The following INPP4B variants were observed in gnomAD, a reference collection of about 807,000 sequenced individuals.
INPP4B encodes inositol polyphosphate 4-phosphatase type II.
A neutral mutation model predicts 122.5 loss-of-function variants in INPP4B; 55 were observed. That is an observed-to-expected ratio of 0.45 (90% CI 0.36 to 0.56). INPP4B has a LOEUF of 0.56. Among genes scored for constraint, INPP4B ranks in the 20% least tolerant of loss-of-function variants. INPP4B has a pLI of 0.00. For missense variants in INPP4B, 1,000 were observed against 1,097.7 expected, an observed-to-expected ratio of 0.91 and a Z score of 1.26; for synonymous variants, 403 against 388.7, an observed-to-expected ratio of 1.04 and a Z score of -0.43.
intron 5 of INPP4B, among the ~76,000 whole-genome samples, chr4:142,415,634 C>G (rs1156363352): frequency 6.6e-6 from 1 of 151,880 alleles, no homozygotes; most frequent in African/African-American, 2.4e-5. Flanking sequence ...ACCATTTGAC[C>G]CAGCAATCCC....
chr4:142,270,144 C>T (rs756820746), intron 10 of INPP4B, among the ~76,000 whole-genome samples: 17 of 152,190 alleles, frequency 1.1e-4, no homozygotes, highest in Admixed American at 3.9e-4. Flanking sequence ...CATTGTCCCT[C>T]CTCCAGAGCT....
chr4:142,511,305 A>G (rs1028457900), intron 2 of INPP4B, among the ~76,000 whole-genome samples: 7 of 152,148 alleles, frequency 4.6e-5, no homozygotes, highest in African/African-American at 1.4e-4. Context: ...GCTAAGAAGA[A>G]CTAAAAAAAA....
chr4:142,369,557 A>G (rs976051037), intron 7 of INPP4B, among the ~76,000 whole-genome samples: 12 of 151,574 alleles, frequency 7.9e-5, no homozygotes, highest in Admixed American at 7.2e-4. Context: ...AGCCTGGGTG[A>G]CAGAATGAGA....
At chr4:142,268,887 C>T (rs1448795648) in intron 10 of INPP4B, among the ~76,000 whole-genome samples, 1 of 151,992 alleles carries the variant, frequency 6.6e-6, no homozygotes, top group Non-Finnish European at 1.5e-5. Flanking sequence ...GTTTTTTTCC[C>T]CCGACGAACA....
intron 2 of INPP4B, among the ~76,000 whole-genome samples, chr4:142,524,450 G>A (rs930208165): frequency 7.2e-5 from 11 of 152,040 alleles, no homozygotes; most frequent in Non-Finnish European, 1.3e-4. Flanking sequence ...CTGCATAAAT[G>A]TCTTCTTTTG....
intron 3 of INPP4B, among the ~76,000 whole-genome samples, chr4:142,455,758 T>C (rs1267340306): frequency 2.0e-5 from 3 of 152,068 alleles, no homozygotes; most frequent in East Asian, 3.9e-4. Context: ...TGTACTAATT[T>C]ACGTTTCCTC....
intron 7 of INPP4B, among the ~76,000 whole-genome samples, chr4:142,384,434 C>G (rs1263875123): frequency 6.6e-6 from 1 of 152,162 alleles, no homozygotes; most frequent in Non-Finnish European, 1.5e-5. Context: ...CCTATTGCCC[C>G]TTGGCTGCAA....
Position 142,362,842 on chromosome 4 carries a change from G to T in INPP4B, c.372+40096C>A, listed in dbSNP as rs549442850. Reference sequence around the variant, plus strand: ...GGACATTGAGTTTTCCAAACGGAAGGAAGGAGGGAGAAGGGCAAGGGCTGA... The same window carrying T: ...GGACATTGAGTTTTCCAAACGGAAGTAAGGAGGGAGAAGGGCAAGGGCTGA... On this transcript the variant is annotated intron_variant, in intron 7 of 25. Transcript: ENST00000262992. 3.9e-5 allele frequency among the ~76,000 whole-genome samples: 6 copies of T among 152,126 alleles called. No individual in the cohort carries two copies. The South Asian group carries it at 1.2e-3, about 32-fold the overall frequency.
At chr4:142,387,473 T>C (rs1287498889) in intron 7 of INPP4B, among the ~76,000 whole-genome samples, 2 of 144,464 alleles carry the variant, frequency 1.4e-5, no homozygotes, top group Admixed American at 1.4e-4. Flanking sequence ...TGCACTGAAG[T>C]GCATTTAAAA....
intron 2 of INPP4B, among the ~76,000 whole-genome samples, chr4:142,668,862 C>T (rs1756550644): frequency 1.3e-5 from 2 of 151,432 alleles, no homozygotes; most frequent in Non-Finnish European, 2.9e-5. Flanking sequence ...TCCTGGCTAA[C>T]ATGGTGAAAC....
chr4:142,720,579 T>C (rs529879454), intron 2 of INPP4B, among the ~76,000 whole-genome samples: 1 of 151,662 alleles, frequency 6.6e-6, no homozygotes, highest in Non-Finnish European at 1.5e-5. Flanking sequence ...GTAAACGCTA[T>C]ATAAATAGTT....
At chr4:142,113,822 T>C (rs1791507482) in intron 21 of INPP4B, among the ~76,000 whole-genome samples, 4 of 152,112 alleles carry the variant, frequency 2.6e-5, no homozygotes, top group Admixed American at 2.6e-4. Flanking sequence ...TATTAAGAAA[T>C]TGATATGAAT....
intron 8 of INPP4B, among the ~76,000 whole-genome samples, chr4:142,308,637 A>G (rs1262654275): frequency 6.6e-6 from 1 of 152,104 alleles, no homozygotes; most frequent in South Asian, 2.1e-4. Context: ...TCTATAGCAC[A>G]TGATGCTAAT....
rs10028981 is a variant in INPP4B at position 142,281,743 on chromosome 4, G to A, written c.504-10969C>T. Among the ~76,000 whole-genome samples, 700 of 152,034 alleles carry A rather than the reference G, an allele frequency of 4.6e-3. 6 individuals are homozygous for A. Among genetic ancestry groups the A allele is most frequent in the African/African-American group, 0.016 (660 of 41,518 alleles). On this transcript the variant is annotated intron_variant, in intron 9 of 25. Transcript: ENST00000262992. ...ACAATGAGGCATGTACTCTGAAACT[G>A]AGCAATTCTTAATCCCTGTATTTTT... is the stretch of plus-strand genomic sequence containing the variant.
chr4:142,165,046 C>T (rs139235232), intron 16 of INPP4B, among the ~76,000 whole-genome samples: 45 of 151,742 alleles, frequency 3.0e-4, no homozygotes, highest in Middle Eastern at 3.4e-3. Flanking sequence ...ATCCATTTTC[C>T]CATAGTTCAA....
chr4:142,480,648 C>A (rs1820394046), intron 2 of INPP4B, among the ~76,000 whole-genome samples: 1 of 152,116 alleles, frequency 6.6e-6, no homozygotes, highest in South Asian at 2.1e-4. Flanking sequence ...GCATGCATTT[C>A]TCCATACAAA....
At chr4:142,480,535 A>G (rs1296965627) in intron 2 of INPP4B, among the ~76,000 whole-genome samples, 2 of 152,172 alleles carry the variant, frequency 1.3e-5, no homozygotes, top group Non-Finnish European at 1.5e-5. Context: ...AGTCAATTAT[A>G]CAACTTGGAA....
chr4:142,223,621 A>C (rs893846457), intron 12 of INPP4B, among the ~76,000 whole-genome samples: 1 of 152,200 alleles, frequency 6.6e-6, no homozygotes, highest in Non-Finnish European at 1.5e-5. Context: ...AGGACCTCTC[A>C]TTAAGTGATA....
intron 2 of INPP4B, among the ~76,000 whole-genome samples, chr4:142,535,576 A>G (rs998581363): frequency 6.6e-6 from 1 of 152,184 alleles, no homozygotes; most frequent in Non-Finnish European, 1.5e-5. Flanking sequence ...AATCTCTCAC[A>G]TGTAATAAAT....
Sources: allele counts gnomAD v4.1 joint callset (sites outside exome capture counted in the v4.1 genomes callset), GRCh38; gene constraint gnomAD v4.1.1; transcripts MANE v1.5; gene names NCBI Gene and HGNC (gene_info 2026-07-23, HGNC 2026-07-21).